The following LYZL1 variants were observed in gnomAD, a reference collection of about 807,000 sequenced individuals.
The protein encoded by LYZL1 is lysozyme like 1.
A neutral mutation model predicts 17.9 loss-of-function variants in LYZL1; 16 were observed. The observed-to-expected ratio is 0.90, with a 90% CI of 0.61 to 1.36. The LOEUF is 1.36. Ranked by LOEUF, LYZL1 falls within the 40% of genes most tolerant of loss-of-function variation. LYZL1 has a pLI of 0.00. For missense variants in LYZL1, 149 were observed against 188.4 expected (o/e 0.79, Z 1.22); for synonymous variants, 58 against 71.8 (o/e 0.81, Z 0.97).
At chr10:29,295,108 T>C (rs1226152954) in intron 3 of LYZL1, among the ~76,000 whole-genome samples, 1 of 152,214 alleles carries the variant, frequency 6.6e-6, no homozygotes, top group Non-Finnish European at 1.5e-5. Context: ...CTGAATAATA[T>C]GTTAAGTTAC....
downstream of LYZL1, among the ~76,000 whole-genome samples, chr10:29,313,198 A>G (rs1835692954): frequency 6.6e-6 from 1 of 152,206 alleles, no homozygotes. Context: ...TGAGGGAAAA[A>G]ACCTTTTGAA....
downstream of LYZL1, among the ~76,000 whole-genome samples, chr10:29,315,673 T>A (rs1835721873): frequency 6.6e-6 from 1 of 151,150 alleles, no homozygotes; most frequent in African/African-American, 2.4e-5. Context: ...CAGAGTGAGA[T>A]CCCATCTCTA....
intron 2 of LYZL1, 26 bp from the exon 3 acceptor site, chr10:29,292,493 G>A (rs369104990): frequency 4.3e-6 from 7 of 1,609,422 alleles, no homozygotes; most frequent in Non-Finnish European, 5.9e-6. Context: ...TTCCTTTGCT[G>A]GCGTTTCTGG....
intron 3 of LYZL1, among the ~76,000 whole-genome samples, chr10:29,300,656 ACTTT>A (rs1234618653): frequency 6.6e-6 from 1 of 152,204 alleles, no homozygotes; most frequent in Non-Finnish European, 1.5e-5. Context: ...AGCTGAAAGA[ACTTT>A]CTTTACCTTC....
intron 3 of LYZL1, among the ~76,000 whole-genome samples, chr10:29,306,689 T>A (rs186047006): frequency 5.1e-4 from 77 of 151,926 alleles, no homozygotes; most frequent in African/African-American, 1.8e-3. Flanking sequence ...CAAAATAATA[T>A]ATATTTAAAG....
chr10:29,294,311 A>G (rs904286149), intron 3 of LYZL1, among the ~76,000 whole-genome samples: 12 of 152,206 alleles, frequency 7.9e-5, no homozygotes, highest in Non-Finnish European at 1.6e-4. Flanking sequence ...TCAGTTAATT[A>G]AGCATTGCTT....
intron 3 of LYZL1, among the ~76,000 whole-genome samples, chr10:29,317,017 C>G (rs1835740867): frequency 6.6e-6 from 1 of 152,152 alleles, no homozygotes; most frequent in South Asian, 2.1e-4. Context: ...CATGTCCAGC[C>G]TCTTCCAGGT....
At chr10:29,297,685 T>C (rs1429903735) in intron 3 of LYZL1, among the ~76,000 whole-genome samples, 1 of 152,220 alleles carries the variant, frequency 6.6e-6, no homozygotes, top group Non-Finnish European at 1.5e-5. Context: ...ACATAGTATA[T>C]GTAGAATTTG....
chr10:29,316,133 A>G (rs1361796696), downstream of LYZL1, among the ~76,000 whole-genome samples: 1 of 152,200 alleles, frequency 6.6e-6, no homozygotes, highest in Non-Finnish European at 1.5e-5. Context: ...TGGATCTGGG[A>G]GGAACTGTGG....
chr10:29,302,899 G>T (rs1047219987), intron 3 of LYZL1, among the ~76,000 whole-genome samples: 2 of 152,174 alleles, frequency 1.3e-5, no homozygotes, highest in African/African-American at 4.8e-5. Flanking sequence ...TCTGATCAGC[G>T]TAACTCTTAA....
intron 3 of LYZL1, among the ~76,000 whole-genome samples, chr10:29,307,279 A>G (rs1835608822): frequency 6.6e-6 from 1 of 151,962 alleles, no homozygotes; most frequent in African/African-American, 2.4e-5. Context: ...GCGTCTCCCC[A>G]TTTTCCTCAC....
At chr10:29,303,111 T>TA (rs1835543933) in intron 3 of LYZL1, among the ~76,000 whole-genome samples, 1 of 152,342 alleles carries the variant, frequency 6.6e-6, no homozygotes, top group Admixed American at 6.5e-5. Context: ...GTTCTCTGCC[T>TA]AGCCCTGTGG....
chr10:29,293,720 C>T (rs1835408677), intron 3 of LYZL1, among the ~76,000 whole-genome samples: 1 of 152,046 alleles, frequency 6.6e-6, no homozygotes, highest in South Asian at 2.1e-4. Context: ...TGCCTGTAAT[C>T]CCAGCACTTT....
At chr10:29,294,460 G>C (rs1835419499) in intron 3 of LYZL1, among the ~76,000 whole-genome samples, 1 of 152,220 alleles carries the variant, frequency 6.6e-6, no homozygotes. Context: ...ACTGATGCAA[G>C]AGATGCTGAA....
chr10:29,303,606 T>C (rs1207991044), intron 3 of LYZL1, among the ~76,000 whole-genome samples: 1 of 152,168 alleles, frequency 6.6e-6, no homozygotes, highest in Non-Finnish European at 1.5e-5. Flanking sequence ...TCTAAGAAAT[T>C]AAAGTGTTGG....
chr10:29,298,243 AACTATG>A (rs1167785528), intron 3 of LYZL1, among the ~76,000 whole-genome samples: 1 of 152,124 alleles, frequency 6.6e-6, no homozygotes, highest in Admixed American at 6.6e-5. Flanking sequence ...ATGGAAAGAG[AACTATG>A]ACCAGCACCG....
intron 3 of LYZL1, among the ~76,000 whole-genome samples, chr10:29,308,831 G>A (rs1296230453): frequency 6.6e-6 from 1 of 151,342 alleles, no homozygotes; most frequent in Middle Eastern, 3.3e-3. Context: ...CGGGCATGGT[G>A]GCCCATGCCT....
At chr10:29,293,395 C>G (rs1347990660) in intron 3 of LYZL1, among the ~76,000 whole-genome samples, 2 of 152,048 alleles carry the variant, frequency 1.3e-5, no homozygotes, top group Non-Finnish European at 2.9e-5. Context: ...CTCGGCCTCT[C>G]AGAGTGCTAT....
intron 1 of LYZL1, among the ~76,000 whole-genome samples, chr10:29,289,463 G>GGC (rs1193479131): frequency 2.0e-5 from 3 of 147,474 alleles, no homozygotes; most frequent in Non-Finnish European, 4.5e-5. Context: ...CTGCTGCCCA[G>GGC]GCTGGAGTGC....
Sources: gnomAD v4.1 joint callset for allele counts (sites outside exome capture counted in the v4.1 genomes callset) on GRCh38, gnomAD v4.1.1 for gene constraint, MANE v1.5 for transcripts, NCBI Gene and HGNC (gene_info 2026-07-23, HGNC 2026-07-21) for gene names.